Variants in TEX11 observed in about 807,000 individuals in gnomAD.
The protein encoded by TEX11 is testis-expressed protein 11.
TEX11 carries 7 observed loss-of-function variants against 84.4 expected under a neutral mutation model. That is an observed-to-expected ratio of 0.08 (90% confidence interval 0.05 to 0.16). The LOEUF is 0.16. Ranked by LOEUF, TEX11 falls within the 10% of genes least tolerant of loss-of-function variation. The pLI is 1.00. For synonymous variants in TEX11, 264 were observed against 222.8 expected (o/e 1.18, Z -1.64); for missense variants, 551 against 660.5 (o/e 0.83, Z 1.82).
intron 17 of TEX11, among the ~76,000 whole-genome samples, chrX:70,648,138 T>C (rs944648911): frequency 1.8e-5 from 2 of 111,084 alleles, no homozygotes; most frequent in African/African-American, 6.5e-5. Flanking sequence ...CTGGAAACCA[T>C]CATTCTCAGC....
chrX:70,799,207 G>C (rs2091173044), intron 9 of TEX11, among the ~76,000 whole-genome samples: 1 of 112,002 alleles, frequency 8.9e-6, no homozygotes, highest in African/African-American at 3.2e-5. Context: ...ATAAAGAACT[G>C]AGGAATTTAG....
rs1326094224 is a variant in TEX11, at chrX:70,873,786, A to G, written c.160-479T>C. Among the ~76,000 whole-genome samples the G allele has an allele frequency of 1.1e-4, 12 of 112,044 alleles. No individual in the cohort carries two copies. In the Admixed American group the frequency reaches 1.1e-3, roughly 11 times the overall value. ...TATGCACAGCAGTGGTACAAAATGT[A>G]TGTTAGTTTTAAGTCTTTTCTTCCA... On this transcript the variant is annotated intron_variant, in intron 3 of 29. Coordinates refer to ENST00000374333, the MANE Select transcript of TEX11 (RefSeq NM_031276.3).
chrX:70,728,221 C>T lies in TEX11; in HGVS notation c.844-2878G>A, dbSNP rs750641126. Among the ~76,000 whole-genome samples the T allele has an allele frequency of 4.5e-3, 504 of 112,667 alleles. 1 individual carries two copies. The highest frequency in any genetic ancestry group is 8.0e-3 in the Non-Finnish European group (427 of 53,307). ...GCTGAATAGGAACAGCTCCAGTCTA[C>T]AGCTCCCAGTGTGAGCAACACAGAA... On this transcript the variant is annotated intron_variant, in intron 11 of 29. Transcript: ENST00000374333.
chrX:70,852,903 A>G (rs1364553279), intron 7 of TEX11, 131 bp downstream of exon 7: 14 of 627,355 alleles, frequency 2.2e-5, no homozygotes, highest in Non-Finnish European at 2.6e-5. Context: ...AACAGAGATA[A>G]AAAGGTCAAA....
In TEX11 at chrX:70,833,498, G is replaced by A; in HGVS notation, c.606+15C>T. ...GCATATTTTCAAACTCTTGGAGAAT[G>A]CAGACTTCACTCACCATCTGGGGGA... On this transcript the variant is annotated intron_variant, in intron 8 of 29. Transcript: ENST00000374333. 2 of 1,181,823 alleles carry A rather than the reference G, an allele frequency of 1.7e-6. No individual in the cohort carries two copies. Among genetic ancestry groups the A allele is most frequent in the Non-Finnish European group, 2.3e-6 (2 of 870,667 alleles).
chrX:70,568,020 T>C (rs1228859599), intron 25 of TEX11, among the ~76,000 whole-genome samples: 3 of 111,333 alleles, frequency 2.7e-5, no homozygotes, highest in Non-Finnish European at 5.6e-5. Flanking sequence ...AAGTCTCCCA[T>C]TATTATTGTG....
At chrX:70,810,046 T>C (rs1049060884) in intron 8 of TEX11, among the ~76,000 whole-genome samples, 1 of 112,133 alleles carries the variant, frequency 8.9e-6, no homozygotes, top group Non-Finnish European at 1.9e-5. Flanking sequence ...GAAAAAATGC[T>C]CATCATCACT....
intron 16 of TEX11, among the ~76,000 whole-genome samples, chrX:70,652,631 T>A (rs2147609981): frequency 8.9e-6 from 1 of 112,042 alleles, no homozygotes; most frequent in Admixed American, 9.5e-5. Flanking sequence ...ATACTTTGCA[T>A]ATCAGTGAAG....
intron 13 of TEX11, among the ~76,000 whole-genome samples, chrX:70,693,659 A>G (rs1468416648): frequency 1.8e-5 from 2 of 111,623 alleles, no homozygotes; most frequent in Middle Eastern, 4.2e-3. Flanking sequence ...AAGGGTACAA[A>G]CTTGCAGTTA....
intron 25 of TEX11, among the ~76,000 whole-genome samples, chrX:70,578,906 G>A (rs1247012805): frequency 1.9e-5 from 2 of 105,699 alleles, no homozygotes; most frequent in African/African-American, 6.9e-5. Flanking sequence ...AAGTAGCTGG[G>A]ATTACAGGCG....
Position 70,612,495 on chromosome X carries a change from G to A in TEX11, c.1752-1952C>T, listed in dbSNP as rs183189842. ...AGATGGAAATCCTAAGAACCAAAAA[G>A]GAATGCTAGTGATCAAAAACACTGT... On this transcript the variant is annotated intron_variant, in intron 20 of 29. Transcript: ENST00000374333. Among the ~76,000 whole-genome samples the A allele has an allele frequency of 4.6e-4, 51 of 111,053 alleles. No individual in the cohort carries two copies. In the East Asian group the frequency reaches 0.014, roughly 30 times the overall value.
intron 17 of TEX11, among the ~76,000 whole-genome samples, chrX:70,648,218 A>T (rs1418667527): frequency 9.0e-6 from 1 of 110,771 alleles, no homozygotes; most frequent in African/African-American, 3.3e-5. Flanking sequence ...AACAATGAGA[A>T]CACTTGGACA....
intron 2 of TEX11, among the ~76,000 whole-genome samples, chrX:70,889,012 G>C (rs13441058): frequency 0.28 from 31,166 of 110,130 alleles, 3,629 homozygotes; most frequent in Middle Eastern, 0.46. Flanking sequence ...GAAGGAGAAA[G>C]ACTTTCCCAG....
In TEX11 at chrX:70,609,145, C is replaced by T. The variant is rs754888467; in HGVS notation, c.1825G>A (p.Glu609Lys). The T allele has an allele frequency of 4.2e-6, 5 of 1,204,747 alleles. No individual in the cohort carries two copies. In the African/African-American group the frequency reaches 8.8e-5, roughly 21 times the overall value. ...FVKLSQPFGEEALSLESRANE... is the reference protein window; with the variant it reads ...FVKLSQPFGEKALSLESRANE... ...GCTCTTGACTCCAAACTTAAGGCTTCTTCACCAAAAGGCTGAGAAAGTTTC... is the reference window on the plus strand; with the variant it reads ...GCTCTTGACTCCAAACTTAAGGCTTTTTCACCAAAAGGCTGAGAAAGTTTC... Residue 609 changes from glutamate to lysine, a missense_variant, in exon 22 of 30, where the codon GAA (glutamate) becomes AAA (lysine). Physicochemically the swap from Glu to Lys is moderately conservative, Grantham distance 56. Coordinates refer to ENST00000374333, the MANE Select transcript of TEX11 (RefSeq NM_031276.3).
chrX:70,718,349 C>T (rs193233259), intron 13 of TEX11, among the ~76,000 whole-genome samples: 4 of 112,271 alleles, frequency 3.6e-5, no homozygotes, highest in African/African-American at 9.7e-5. Context: ...ATTGTGAATA[C>T]GTAGTTTAAG....
At chrX:70,568,419 T>G (rs985253402) in intron 25 of TEX11, among the ~76,000 whole-genome samples, 4 of 110,506 alleles carry the variant, frequency 3.6e-5, no homozygotes, top group African/African-American at 1.3e-4. Flanking sequence ...AAAGTTAATA[T>G]TGTTATGTGT....
intron 3 of TEX11, among the ~76,000 whole-genome samples, chrX:70,879,562 A>G (rs1019540054): frequency 9.0e-6 from 1 of 111,067 alleles, no homozygotes; most frequent in African/African-American, 3.3e-5. Context: ...CTGAAGGCTT[A>G]TAGTCAACTG....
chrX:70,644,393 A>G (rs1462933908), intron 17 of TEX11, among the ~76,000 whole-genome samples: 2 of 103,646 alleles, frequency 1.9e-5, no homozygotes, highest in Non-Finnish European at 4.0e-5. Context: ...AACTAGAAAT[A>G]CCATTTGACC....
At chrX:70,547,830 A>G (rs1217623821) in intron 28 of TEX11, among the ~76,000 whole-genome samples, 4 of 112,045 alleles carry the variant, frequency 3.6e-5, no homozygotes, top group Admixed American at 2.8e-4. Context: ...GGGACTGTAA[A>G]CTAGTTCAAC....
Sources: gnomAD v4.1 joint callset for allele counts (sites outside exome capture counted in the v4.1 genomes callset) on GRCh38, gnomAD v4.1.1 for gene constraint, MANE v1.5 for transcripts, NCBI Gene and HGNC (gene_info 2026-07-23, HGNC 2026-07-21) for gene names.